The following PGAP6 variants were observed in gnomAD, a reference collection of about 807,000 sequenced individuals.
PGAP6 encodes post-GPI attachment to proteins 6.
PGAP6 carries 62 observed loss-of-function variants against 68.4 expected under a neutral mutation model. That is an observed-to-expected ratio of 0.91 (90% CI 0.74 to 1.12). The LOEUF (loss-of-function observed/expected upper bound fraction) is 1.12. PGAP6 is among the 50% of genes most tolerant of loss of function. The pLI, the probability that PGAP6 is intolerant of heterozygous loss-of-function variation, is 0.00. For synonymous variants in PGAP6, 575 were observed against 474.0 expected, an observed-to-expected ratio of 1.21 and a Z score of -2.77; for missense variants, 1,188 against 1,068.5, an observed-to-expected ratio of 1.11 and a Z score of -1.56.
chr16:380,229 G>A (rs2054425411), intron 1 of PGAP6, among the ~76,000 whole-genome samples: 3 of 152,156 alleles, frequency 2.0e-5, no homozygotes. Context: ...GTAAGGTTTT[G>A]GTATTTCTGA....
At chr16:373,867 A>G in intron 11 of PGAP6, 138 bp downstream of exon 11, 1 of 1,110,138 alleles carries the variant, frequency 9.0e-7, no homozygotes, top group Non-Finnish European at 1.2e-6. Flanking sequence ...GTGAGCCACC[A>G]TGCTCGGCCG....
Position 371,907 on chromosome 16 carries a change from G to A in PGAP6, c.*80C>T, listed in dbSNP as rs924761377. 9 of 1,491,402 alleles carry A rather than the reference G, an allele frequency of 6.0e-6. No homozygotes were observed. In the African/African-American group the frequency reaches 1.2e-4, roughly 21 times the overall value. The allele number at this position is 1,491,402 out of a possible 1,614,324, so 92.4% of individuals were successfully genotyped here. ...ATTCAGCTGGAAATCAATCTGTCCA[G>A]GGCTGGACCAGGCGCCTCCCCCTCG... On this transcript the variant is annotated 3_prime_UTR_variant, in exon 13 of 13. Coordinates refer to ENST00000431232, the MANE Select transcript of PGAP6 (RefSeq NM_021259.3).
chr16:379,198 C>T (rs11648412), intron 1 of PGAP6, among the ~76,000 whole-genome samples: 61,659 of 152,074 alleles, frequency 0.41, 13,130 homozygotes, highest in Non-Finnish European at 0.48. Flanking sequence ...CACTCAGGAG[C>T]GCTGCCTAGG....
At chr16:381,585 C>T (rs764299518) in intron 1 of PGAP6, 116 bp downstream of exon 1, 6 of 851,986 alleles carry the variant, frequency 7.0e-6, no homozygotes, top group South Asian at 5.6e-5. Flanking sequence ...GCGGCGGGGA[C>T]CCCCAACCCC....
Position 371,754 on chromosome 16 carries a change from G to C in PGAP6, c.*233C>G. The C allele has an allele frequency of 3.8e-6, 2 of 529,388 alleles. No individual in the cohort carries two copies. The highest frequency in any genetic ancestry group is 2.1e-5 in the South Asian group (1 of 46,898). The allele number at this position is 529,388 out of a possible 1,614,324, so 32.8% of individuals were successfully genotyped here. On this transcript the variant is annotated 3_prime_UTR_variant, in exon 13 of 13. Coordinates refer to ENST00000431232, the MANE Select transcript of PGAP6 (RefSeq NM_021259.3). ...CCAAGCCCAGGCCCCAGGGGCCACT[G>C]CAGACAGCAGCTGGGATCTGCAGAG...
At chr16:372,532 A>G (rs762436887) in intron 12 of PGAP6, 79 bp downstream of exon 12, 3 of 1,204,020 alleles carry the variant, frequency 2.5e-6, no homozygotes, top group Non-Finnish European at 3.7e-6. Flanking sequence ...GAGCAGGACC[A>G]GGAACGTGGC....
intron 1 of PGAP6, among the ~76,000 whole-genome samples, chr16:380,328 C>G (rs919385847): frequency 1.4e-4 from 22 of 151,924 alleles, no homozygotes; most frequent in African/African-American, 5.3e-4. Context: ...GAACCGCAGG[C>G]TTACATTACC....
At chr16:383,120 A>AACAAAAAC (rs964431262), upstream of PGAP6, among the ~76,000 whole-genome samples, 4 of 151,358 alleles carry the variant, frequency 2.6e-5, no homozygotes, top group Non-Finnish European at 5.9e-5. Context: ...CGTCTCAAAA[A>AACAAAAAC]ACAAAAACAC....
intron 9 of PGAP6, 152 bp from the exon 10 acceptor site, chr16:374,551 C>A: frequency 8.8e-7 from 1 of 1,131,576 alleles, no homozygotes; most frequent in Non-Finnish European, 1.2e-6. Context: ...GAGGCAGTAC[C>A]ACCCCCCGGG....
chr16:381,584 A>AC (rs2054438661), intron 1 of PGAP6, 117 bp downstream of exon 1: 3 of 796,178 alleles, frequency 3.8e-6, no homozygotes, highest in East Asian at 5.0e-5. Flanking sequence ...CGCGGCGGGG[A>AC]CCCCCAACCC....
Position 372,261 on chromosome 16 carries a change from C to T in PGAP6, c.2042G>A (p.Arg681His), listed in dbSNP as rs148676257. The stretch of plus-strand genomic sequence containing the variant: ...CTGCCACGAGGTGGGGTAGCACTGG[C>T]GCCGGTGCCCGCAGCGGTAAGCCTG... The part of the protein sequence containing the change: ...SMWAYRCGHR[R>H]QCYPTSWQRW... Residue 681 changes from arginine (R) to histidine (H), a missense_variant, in exon 13 of 13, where the codon CGC becomes CAC. Transcript: ENST00000431232. 7.1e-5 allele frequency: 115 copies of T among 1,610,454 alleles called. No individual in the cohort carries two copies. The highest frequency in any genetic ancestry group is 9.2e-5 in the Non-Finnish European group (108 of 1,179,754).
In PGAP6 at chr16:376,779, C is replaced by G. The variant is rs749206040; in HGVS notation, c.669G>C (p.Leu223=). The G allele has an allele frequency of 2.5e-6, 4 of 1,609,956 alleles. No homozygotes were observed. Among genetic ancestry groups the G allele is most frequent in the Non-Finnish European group, 3.4e-6 (4 of 1,179,906 alleles). Residue 223 remains leucine (L), a synonymous_variant, in exon 5 of 13, where the codon CTG becomes CTC. Coordinates refer to ENST00000431232, the MANE Select transcript of PGAP6 (RefSeq NM_021259.3). ...TGGACACGCAGTCCCGCAGCTCCAG[C>G]AGAAGCTCCCGCGTGTAATCGGGGA... ...VFVPDYTREL[L]LELRDCVSNG...
chr16:376,980 C>T (rs537912021), intron 4 of PGAP6, 57 bp downstream of exon 4: 88 of 1,603,362 alleles, frequency 5.5e-5, no homozygotes, highest in Non-Finnish European at 6.9e-5. Context: ...CCCACTCCAC[C>T]GAATCTGAGA....
upstream of PGAP6, among the ~76,000 whole-genome samples, chr16:386,098 T>C (rs935993396): frequency 1.3e-5 from 2 of 151,948 alleles, no homozygotes; most frequent in East Asian, 3.9e-4. Flanking sequence ...TGGGTGAGGG[T>C]AGACTCCAGC....
At chr16:378,494 T>G (rs4991326) in intron 1 of PGAP6, among the ~76,000 whole-genome samples, 426 of 2,180 alleles carry the variant, frequency 0.2, 101 homozygotes, top group African/African-American at 0.28. Context: ...ATCGCCACTC[T>G]GACTGCCATC....
chr16:380,164 C>T (rs1317864284), intron 1 of PGAP6, among the ~76,000 whole-genome samples: 2 of 152,316 alleles, frequency 1.3e-5, no homozygotes, highest in East Asian at 1.9e-4. Context: ...CCAGGAACCC[C>T]TCACCAGGCC....
rs1412446574 is a variant in PGAP6, at chr16:375,777, T to G, written c.1225-342A>C. 3.3e-5 allele frequency among the ~76,000 whole-genome samples: 5 copies of G among 151,752 alleles called. No individual in the cohort carries two copies. In the South Asian group the frequency reaches 8.3e-4, roughly 25 times the overall value. ...AATCTCCTGACCTCGTGATCCACCC[T>G]CCTCGGCCTCCCAAAGTGCTGGGAT... On this transcript the variant is annotated intron_variant, in intron 6 of 12. Coordinates refer to ENST00000431232, the MANE Select transcript of PGAP6 (RefSeq NM_021259.3).
chr16:372,278 G>A lies in PGAP6; in HGVS notation c.2025C>T (p.Tyr675=). The change falls in exon 13 of 13, where the codon TAC becomes TAT. Residue 675 remains tyrosine, a synonymous_variant. Transcript: ENST00000431232. ...AFVIMASMWA[Y]RCGHRRQCYP... is the part of the protein sequence containing the mutation. ...AGCACTGGCGCCGGTGCCCGCAGCGGTAAGCCTGGAGAAAACAGCCACGCA... is the reference window on the plus strand; with the variant it reads ...AGCACTGGCGCCGGTGCCCGCAGCGATAAGCCTGGAGAAAACAGCCACGCA... 3 of 1,607,918 alleles carry A rather than the reference G, an allele frequency of 1.9e-6. No individual in the cohort carries two copies. The highest frequency in any genetic ancestry group is 2.5e-6 in the Non-Finnish European group (3 of 1,179,428).
rs200511594 is a variant in PGAP6 at position 375,338 on chromosome 16, A to G, written c.1315+7T>C. 126 of 1,612,818 alleles carry G rather than the reference A, an allele frequency of 7.8e-5. No individual in the cohort carries two copies. Among genetic ancestry groups the G allele is most frequent in the Non-Finnish European group, 1.0e-4 (119 of 1,179,932 alleles). On this transcript the variant is annotated splice_region_variant and intron_variant, in intron 7 of 12. Transcript: ENST00000431232. ...GCCACGCTGACGGTGACGCCTGCCC[A>G]TCATACCTGTGGTGCAGTTGAGCGA...
Sources: allele counts gnomAD v4.1 joint callset (sites outside exome capture counted in the v4.1 genomes callset), GRCh38; gene constraint gnomAD v4.1.1; transcripts MANE v1.5; gene names NCBI Gene and HGNC (gene_info 2026-07-23, HGNC 2026-07-21).